AKIRIN2: variants seen among roughly 807,000 people sequenced by gnomAD.
AKIRIN2 encodes akirin 2, also known as akirin-2.
Under a neutral mutation model 29.3 loss-of-function variants are expected in AKIRIN2, and 6 were observed. The ratio of observed to expected loss-of-function variants is 0.20; its 90% CI spans 0.11 to 0.40. AKIRIN2 has a LOEUF of 0.40. Ranked by LOEUF, AKIRIN2 falls within the 10% of genes least tolerant of loss-of-function variation. The pLI is 1.00. For synonymous variants in AKIRIN2, 128 were observed against 117.5 expected, an observed-to-expected ratio of 1.09 and a Z score of -0.58; for missense variants, 210 against 276.1, an observed-to-expected ratio of 0.76 and a Z score of 1.70.
intron 1 of AKIRIN2, among the ~76,000 whole-genome samples, chr6:87,694,740 CTA>C (rs1771331385): frequency 6.6e-6 from 1 of 152,130 alleles, no homozygotes; most frequent in Non-Finnish European, 1.5e-5. Context: ...CCAAGACAAA[CTA>C]AAAGTATATT....
intron 1 of AKIRIN2, among the ~76,000 whole-genome samples, chr6:87,683,888 G>A (rs908790233): frequency 5.3e-5 from 8 of 152,114 alleles, no homozygotes; most frequent in Non-Finnish European, 1.2e-4. Flanking sequence ...TTGACCTCAG[G>A]TGTTCCACCC....
Position 87,681,699 on chromosome 6 carries a change from C to A in AKIRIN2, c.300G>T (p.Thr100=), listed in dbSNP as rs754283062. 6 of 1,612,572 alleles carry A rather than the reference C, an allele frequency of 3.7e-6. No individual in the cohort carries two copies. Among genetic ancestry groups the A allele is most frequent in the Non-Finnish European group, 1.7e-6 (2 of 1,178,982 alleles). ...KRMQKRRHLE[T]SFQQTDPCCT... is the part of the protein sequence containing the mutation. ...AACACGGATCTGTCTGTTGGAAACT[C>A]GTTTCTAAATGTCTTCTCTTCTGCA... is the stretch of plus-strand genomic sequence containing the variant. The change falls in exon 2 of 5, where the codon ACG becomes ACT. Residue 100 remains threonine, a synonymous_variant. Coordinates refer to ENST00000257787, the MANE Select transcript of AKIRIN2 (RefSeq NM_018064.4).
At chr6:87,690,732 G>T (rs1296001788) in intron 1 of AKIRIN2, among the ~76,000 whole-genome samples, 1 of 152,064 alleles carries the variant, frequency 6.6e-6, no homozygotes, top group African/African-American at 2.4e-5. Context: ...CAGCACTTTG[G>T]GAGGCCAAGG....
intron 1 of AKIRIN2, among the ~76,000 whole-genome samples, chr6:87,698,405 T>A (rs1771405694): frequency 6.6e-6 from 1 of 151,690 alleles, no homozygotes; most frequent in Non-Finnish European, 1.5e-5. Context: ...AGCACAGCTG[T>A]GTTCCAATAA....
intron 1 of AKIRIN2, among the ~76,000 whole-genome samples, chr6:87,697,934 T>C (rs1206894218): frequency 6.6e-6 from 1 of 152,238 alleles, no homozygotes; most frequent in Non-Finnish European, 1.5e-5. Context: ...ATTCATTCAC[T>C]ACATAATGAA....
At chr6:87,691,440 TAAAAAAAAAAAA>T (rs34981397) in intron 1 of AKIRIN2, among the ~76,000 whole-genome samples, 4,338 of 84,998 alleles carry the variant, frequency 0.051, 268 homozygotes, top group African/African-American at 0.17. Context: ...AACCTCATCT[TAAAAAAAAAAAA>T]AAAAAAAAAA....
rs1487128334 is a variant in AKIRIN2, at chr6:87,701,530, G to A, written c.155C>T (p.Ser52Phe). The A allele has an allele frequency of 7.0e-7, 1 of 1,437,452 alleles. No homozygotes were observed. The highest frequency in any genetic ancestry group is 9.1e-7 in the Non-Finnish European group (1 of 1,095,756). 89.0% of individuals were successfully genotyped at this position (1,437,452 alleles called of 1,614,324 possible). A position where few individuals can be genotyped will look rare whatever the true frequency, so the allele number is the denominator to read the frequency against. ...SAAAATAASF[S>F]AAAASPQKYL... ...CTTCTGCGGCGAGGCGGCCGCAGCG[G>A]AGAAGGAGGCGGCGGTGGCCGCGGC... Residue 52 changes from serine to phenylalanine, a missense_variant, in exon 1 of 5, where the codon TCC (serine) becomes TTC (phenylalanine). This residue lies in a region of AKIRIN2 where 199 missense variants were observed against 236.5 expected (regional missense o/e 0.84). Coordinates refer to ENST00000257787, the MANE Select transcript of AKIRIN2 (RefSeq NM_018064.4).
At chr6:87,687,859 A>C (rs918315663) in intron 1 of AKIRIN2, among the ~76,000 whole-genome samples, 3 of 152,242 alleles carry the variant, frequency 2.0e-5, no homozygotes, top group Non-Finnish European at 4.4e-5. Flanking sequence ...AATAACAAAG[A>C]AAGCATGGCT....
intron 2 of AKIRIN2, among the ~76,000 whole-genome samples, chr6:87,678,825 G>A (rs1389205298): frequency 6.6e-6 from 1 of 152,074 alleles, no homozygotes; most frequent in East Asian, 1.9e-4. Flanking sequence ...CCTTTAGAAA[G>A]GGGTTTTCCT....
intron 1 of AKIRIN2, among the ~76,000 whole-genome samples, chr6:87,697,208 G>A (rs1016500826): frequency 6.6e-6 from 1 of 151,582 alleles, no homozygotes; most frequent in African/African-American, 2.4e-5. Flanking sequence ...AGCTACTCCA[G>A]AGGCTGAGGC....
At chr6:87,686,845 A>G (rs909780125) in intron 1 of AKIRIN2, among the ~76,000 whole-genome samples, 2 of 152,018 alleles carry the variant, frequency 1.3e-5, no homozygotes, top group African/African-American at 4.8e-5. Context: ...CAGGAGTTCG[A>G]GATCAGGCTG....
chr6:87,691,220 A>G (rs991018618), intron 1 of AKIRIN2, among the ~76,000 whole-genome samples: 1 of 152,010 alleles, frequency 6.6e-6, no homozygotes, highest in Admixed American at 6.6e-5. Flanking sequence ...AGGTGGGCAG[A>G]TCACTTGAGG....
Position 87,702,096 on chromosome 6 carries a change from TG to T in AKIRIN2, c.-413del, listed in dbSNP as rs1433892362. 2.5e-6 allele frequency: 1 copy of T among 399,098 alleles called. No homozygotes were observed. Among genetic ancestry groups the T allele is most frequent in the Non-Finnish European group, 4.4e-6 (1 of 226,256 alleles). 24.7% of individuals were successfully genotyped at this position (399,098 alleles called of 1,614,324 possible). ...AAAACAGCACCGTGGGGTGTGAGGC[TG>T]GAACGCGGCTCCTAATACGCCCGAG... On this transcript the variant is annotated 5_prime_UTR_variant, in exon 1 of 5. Coordinates refer to ENST00000257787, the MANE Select transcript of AKIRIN2 (RefSeq NM_018064.4).
rs754370623 is a variant in AKIRIN2, at chr6:87,681,602, G to T, written c.379+18C>A. On this transcript the variant is annotated intron_variant, in intron 2 of 4. Transcript: ENST00000257787. ...ACTCTAAATAATAAACTTTGTAAAT[G>T]ACAAGAAATGTTATTACCTGGTGAA... is the stretch of plus-strand genomic sequence containing the variant. The T allele has an allele frequency of 4.4e-6, 7 of 1,590,272 alleles. No individual in the cohort carries two copies. The highest frequency in any genetic ancestry group is 6.0e-6 in the Non-Finnish European group (7 of 1,173,066).
At chr6:87,686,981 G>A (rs1751834572) in intron 1 of AKIRIN2, among the ~76,000 whole-genome samples, 1 of 149,460 alleles carries the variant, frequency 6.7e-6, no homozygotes, top group Admixed American at 6.8e-5. Flanking sequence ...GGGAGGTGAA[G>A]GTTGCAGTGA....
chr6:87,690,541 A>G (rs190805100), intron 1 of AKIRIN2, among the ~76,000 whole-genome samples: 35 of 152,358 alleles, frequency 2.3e-4, no homozygotes, highest in Admixed American at 2.3e-3. Context: ...ATTACATGAC[A>G]TTAACCTATA....
intron 1 of AKIRIN2, among the ~76,000 whole-genome samples, chr6:87,697,199 G>A (rs549835908): frequency 1.3e-5 from 2 of 151,626 alleles, no homozygotes; most frequent in East Asian, 3.9e-4. Flanking sequence ...TGTAATCCCA[G>A]CTACTCCAGA....
In AKIRIN2 at chr6:87,701,874, A is replaced by G; in HGVS notation, c.-190T>C. ...CCGCCGCTGCCTCCGCGGCAGGGGC[A>G]GTGGCCAGGGACGGCCCGGGTGAGA... On this transcript the variant is annotated 5_prime_UTR_variant, in exon 1 of 5. Transcript: ENST00000257787. 2.2e-6 allele frequency: 1 copy of G among 449,216 alleles called. No individual in the cohort carries two copies. 27.8% of individuals were successfully genotyped at this position (449,216 alleles called of 1,614,324 possible).
Position 87,701,481 on chromosome 6 carries a change from G to A in AKIRIN2, c.204C>T (p.Pro68=), listed in dbSNP as rs762203984. The A allele has an allele frequency of 1.7e-4, 252 of 1,514,820 alleles. No individual in the cohort carries two copies. The highest frequency in any genetic ancestry group is 4.5e-4 in the South Asian group (37 of 81,844). The allele number at this position is 1,514,820 out of a possible 1,614,324, so 93.8% of individuals were successfully genotyped here. ...PQKYLRMEPS[P]FGDVSSRLTT... is the part of the protein sequence containing the mutation. ...TGAGGCGGGAGGAGACGTCGCCGAAGGGGGATGGCTCCATTCGGAGATACT... is the reference window on the plus strand; with the variant it reads ...TGAGGCGGGAGGAGACGTCGCCGAAAGGGGATGGCTCCATTCGGAGATACT... The change falls in exon 1 of 5, where the codon CCC becomes CCT. Residue 68 remains proline (P), a synonymous_variant. Coordinates refer to ENST00000257787, the MANE Select transcript of AKIRIN2 (RefSeq NM_018064.4).
Sources: allele counts gnomAD v4.1 joint callset (sites outside exome capture counted in the v4.1 genomes callset), GRCh38; gene constraint gnomAD v4.1.1; regional missense constraint gnomAD v4.1.1; transcripts MANE v1.5; gene names NCBI Gene and HGNC (gene_info 2026-07-23, HGNC 2026-07-21).